ME3: variants seen among roughly 807,000 people sequenced by gnomAD.
ME3 encodes NADP-dependent malic enzyme, mitochondrial.
In ME3, 48 loss-of-function variants were observed where a neutral mutation model predicts 68.9. That is an observed-to-expected ratio of 0.70 (90% CI 0.55 to 0.89). The LOEUF (loss-of-function observed/expected upper bound fraction) is 0.89, where lower values mean the gene tolerates loss of function less well. Ranked by LOEUF, ME3 falls within the 40% of genes least tolerant of loss-of-function variation. The pLI, the probability that ME3 is intolerant of heterozygous loss-of-function variation, is 0.00. For synonymous variants in ME3, 320 were observed against 318.8 expected (o/e 1.00, Z -0.04); for missense variants, 675 against 797.4 (o/e 0.85, Z 1.85).
chr11:86,596,745 T>A (rs1019245912), intron 2 of ME3, among the ~76,000 whole-genome samples: 10 of 152,240 alleles, frequency 6.6e-5, no homozygotes, highest in African/African-American at 2.4e-4. Flanking sequence ...GTCATGTAGG[T>A]AAGAAGTTGC....
At chr11:86,577,149 A>G (rs1480477928) in intron 2 of ME3, among the ~76,000 whole-genome samples, 1 of 152,122 alleles carries the variant, frequency 6.6e-6, no homozygotes, top group Non-Finnish European at 1.5e-5. Flanking sequence ...GCTTTAGGAA[A>G]CAAGCAAATG....
chr11:86,561,818 T>C (rs1479844068), intron 2 of ME3, among the ~76,000 whole-genome samples: 1 of 152,210 alleles, frequency 6.6e-6, no homozygotes, highest in Non-Finnish European at 1.5e-5. Context: ...GTCAAAACTT[T>C]TTCCCTCTAC....
intron 8 of ME3, among the ~76,000 whole-genome samples, chr11:86,461,898 C>T (rs1950241014): frequency 6.6e-6 from 1 of 152,206 alleles, no homozygotes; most frequent in African/African-American, 2.4e-5. Context: ...AGATTGATGG[C>T]TTTAGTCTTG....
At chr11:86,500,028 G>A (rs561035817) in intron 5 of ME3, among the ~76,000 whole-genome samples, 2 of 152,308 alleles carry the variant, frequency 1.3e-5, no homozygotes, top group East Asian at 3.9e-4. Flanking sequence ...ACTGGCTGGG[G>A]TAAAGTGCCT....
chr11:86,660,107 T>A, intron 2 of ME3, among the ~76,000 whole-genome samples: 1 of 152,224 alleles, frequency 6.6e-6, no homozygotes, highest in African/African-American at 2.4e-5. Context: ...GTCTAGATTA[T>A]CCAGGCTTAA....
At chr11:86,502,738 A>T (rs1248808715) in intron 5 of ME3, among the ~76,000 whole-genome samples, 5 of 152,178 alleles carry the variant, frequency 3.3e-5, no homozygotes, top group African/African-American at 7.2e-5. Context: ...TTTATAATTC[A>T]TAACTCCCCT....
intron 4 of ME3, among the ~76,000 whole-genome samples, chr11:86,523,918 A>G (rs1954526851): frequency 6.6e-6 from 1 of 152,254 alleles, no homozygotes; most frequent in African/African-American, 2.4e-5. Flanking sequence ...TCCAATTAGA[A>G]CAGAGAAAGT....
chr11:86,616,151 A>T (rs1942943779), intron 2 of ME3, among the ~76,000 whole-genome samples: 1 of 152,220 alleles, frequency 6.6e-6, no homozygotes, highest in Non-Finnish European at 1.5e-5. Context: ...ATATCTTTTT[A>T]AAAGTTTGTG....
At chr11:86,499,769 A>G (rs1355212574) in intron 5 of ME3, among the ~76,000 whole-genome samples, 1 of 152,238 alleles carries the variant, frequency 6.6e-6, no homozygotes, top group African/African-American at 2.4e-5. Context: ...ACTGCATCTC[A>G]TGTGACCTTC....
At chr11:86,543,449 G>T (rs544537630) in intron 4 of ME3, among the ~76,000 whole-genome samples, 170 of 152,278 alleles carry the variant, frequency 1.1e-3, no homozygotes, top group African/African-American at 3.5e-3. Flanking sequence ...AAAATAAAGG[G>T]ATGGAGGAAG....
At chr11:86,482,063 A>G (rs1951442807) in intron 7 of ME3, among the ~76,000 whole-genome samples, 1 of 152,196 alleles carries the variant, frequency 6.6e-6, no homozygotes, top group Non-Finnish European at 1.5e-5. Flanking sequence ...GCAGTTATCC[A>G]TAGGACACAG....
intron 2 of ME3, among the ~76,000 whole-genome samples, chr11:86,658,249 G>A (rs60883878): frequency 6.8e-4 from 104 of 151,888 alleles, no homozygotes; most frequent in African/African-American, 2.4e-3. Context: ...TCAGCCACCC[G>A]AGTAGATAGG....
At chr11:86,593,273 C>CG (rs1244185793) in intron 2 of ME3, among the ~76,000 whole-genome samples, 2 of 119,288 alleles carry the variant, frequency 1.7e-5, no homozygotes, top group Non-Finnish European at 3.5e-5. Flanking sequence ...TAGGCTCCCC[C>CG]TCCAGGAAGT....
intron 4 of ME3, among the ~76,000 whole-genome samples, chr11:86,549,587 A>AC (rs1412053636): frequency 2.6e-5 from 4 of 152,256 alleles, no homozygotes; most frequent in African/African-American, 9.6e-5. Context: ...CACGGGGTAC[A>AC]CGGTTACCTA....
At chr11:86,549,554 A>T (rs1289140706) in intron 4 of ME3, among the ~76,000 whole-genome samples, 1 of 152,240 alleles carries the variant, frequency 6.6e-6, no homozygotes, top group Admixed American at 6.5e-5. Flanking sequence ...TAACTGGTCC[A>T]GTGTATCTCT....
chr11:86,622,880 T>C (rs1054566650), intron 2 of ME3: 1 of 150,826 alleles, frequency 6.6e-6, no homozygotes. Context: ...CCTGCACTGT[T>C]AAGAGCATGG....
intron 6 of ME3, among the ~76,000 whole-genome samples, chr11:86,490,539 G>A (rs962602640): frequency 3.9e-5 from 6 of 152,192 alleles, no homozygotes; most frequent in Non-Finnish European, 7.3e-5. Context: ...TAGCTAGGCA[G>A]TAATTAAAAT....
intron 2 of ME3, among the ~76,000 whole-genome samples, chr11:86,586,987 G>C (rs1958775242): frequency 6.6e-6 from 1 of 152,190 alleles, no homozygotes; most frequent in Admixed American, 6.5e-5. Flanking sequence ...TGGCAAGGAT[G>C]TGCAGATCTG....
At chr11:86,599,285 C>T (rs1320201380) in intron 2 of ME3, among the ~76,000 whole-genome samples, 8 of 152,018 alleles carry the variant, frequency 5.3e-5, no homozygotes, top group East Asian at 3.8e-4. Flanking sequence ...AGCCAAGGCT[C>T]GAGAACTACG....
Sources: allele counts gnomAD v4.1 joint callset (sites outside exome capture counted in the v4.1 genomes callset), GRCh38; gene constraint gnomAD v4.1.1; transcripts MANE v1.5; gene names NCBI Gene and HGNC (gene_info 2026-07-23, HGNC 2026-07-21).